Variants in CAPN5 observed in about 807,000 individuals in gnomAD.
CAPN5 encodes calpain 5, also known as calpain-5.
In CAPN5, 54 loss-of-function variants were observed where a neutral mutation model predicts 73.0. The ratio of observed to expected loss-of-function variants is 0.74; its 90% CI spans 0.59 to 0.93. The LOEUF (loss-of-function observed/expected upper bound fraction) is 0.93, where lower values mean the gene tolerates loss of function less well. CAPN5 is among the 40% of genes least tolerant of loss of function. The probability of loss-of-function intolerance (pLI) is 0.00; values close to 1 mark genes in which losing one functional copy is unlikely to be tolerated. For synonymous variants in CAPN5, 335 were observed against 356.9 expected (o/e 0.94, Z 0.69); for missense variants, 785 against 882.9 (o/e 0.89, Z 1.41).
chr11:77,076,933 A>C (rs1949976199), intron 1 of CAPN5, among the ~76,000 whole-genome samples: 1 of 152,178 alleles, frequency 6.6e-6, no homozygotes, highest in Non-Finnish European at 1.5e-5. Context: ...TTTTTTGAGA[A>C]ACCTCTATAC....
At position 77,112,725 on chromosome 11, in the gene CAPN5, A is replaced by G; in HGVS notation, c.434A>G (p.Asn145Ser). 1.9e-6 allele frequency: 3 copies of G among 1,614,224 alleles called. No homozygotes were observed. Among genetic ancestry groups the G allele is most frequent in the East Asian group, 2.2e-5 (1 of 44,876 alleles). The change falls in exon 4 of 13, where the codon AAC (asparagine) becomes AGC (serine). Residue 145 changes from asparagine (N) to serine (S), a missense_variant. By Grantham distance (46) the Asn-to-Ser change is conservative. Transcript: ENST00000648180. The part of the protein sequence containing the change: ...VIDDRLPTVN[N>S]QLIYCHSNSR... ...GATGACCGGCTGCCCACAGTCAACA[A>G]CCAGCTCATCTACTGCCACTCCAAC...
At chr11:77,073,025 GC>G in intron 1 of CAPN5, 1 of 1,228,274 alleles carries the variant, frequency 8.1e-7, no homozygotes, top group Non-Finnish European at 1.1e-6. Context: ...CGAGCACACA[GC>G]CCCCACCCCA....
At chr11:77,097,022 A>G (rs771985243) in intron 3 of CAPN5, among the ~76,000 whole-genome samples, 25 of 152,110 alleles carry the variant, frequency 1.6e-4, no homozygotes, top group Admixed American at 1.4e-3. Context: ...GGAGATCAAG[A>G]CCACCCTGGC....
At chr11:77,071,048 C>A (rs544959963) in intron 1 of CAPN5, among the ~76,000 whole-genome samples, 2 of 152,184 alleles carry the variant, frequency 1.3e-5, no homozygotes, top group African/African-American at 4.8e-5. Context: ...TCTAGGGATT[C>A]GGTTGGGAGT....
chr11:77,122,744 G>A, intron 12 of CAPN5, 32 bp downstream of exon 12: 3 of 1,611,192 alleles, frequency 1.9e-6, no homozygotes, highest in Non-Finnish European at 2.5e-6. Context: ...CCACCTCCTG[G>A]GCTCCTAGCC....
chr11:77,102,850 A>T, intron 3 of CAPN5: 1 of 1,593,404 alleles, frequency 6.3e-7, no homozygotes, highest in Non-Finnish European at 8.5e-7. Flanking sequence ...ATGGCGGAGG[A>T]CAGGCCGCAG....
At chr11:77,098,850 G>A (rs1370391179) in intron 3 of CAPN5, among the ~76,000 whole-genome samples, 15 of 139,540 alleles carry the variant, frequency 1.1e-4, no homozygotes, top group South Asian at 7.3e-4. Flanking sequence ...CCTCCCTCCC[G>A]GACGGGGTGG....
intron 10 of CAPN5, 84 bp from the exon 11 acceptor site, chr11:77,121,850 C>G (rs138008723): frequency 1.0e-5 from 7 of 685,278 alleles, no homozygotes; most frequent in African/African-American, 1.8e-5. Context: ...CTTCTCTTCC[C>G]TTCCCACTTC....
At chr11:77,121,707 C>T (rs1950521882) in intron 10 of CAPN5, among the ~76,000 whole-genome samples, 1 of 152,186 alleles carries the variant, frequency 6.6e-6, no homozygotes, top group Non-Finnish European at 1.5e-5. Flanking sequence ...CAGTAAGGTG[C>T]CTTTCCCCTG....
chr11:77,096,980 T>C (rs568045282), intron 3 of CAPN5, among the ~76,000 whole-genome samples: 1 of 152,224 alleles, frequency 6.6e-6, no homozygotes, highest in Admixed American at 6.5e-5. Context: ...CTGAGCACTT[T>C]GGGAGGCTGA....
chr11:77,094,794 C>T (rs1371836588), intron 3 of CAPN5, among the ~76,000 whole-genome samples: 1 of 152,364 alleles, frequency 6.6e-6, no homozygotes, highest in East Asian at 1.9e-4. Flanking sequence ...CTGCACTCAA[C>T]ATGCCTTGTG....
intron 6 of CAPN5, 139 bp from the exon 7 acceptor site, chr11:77,116,087 T>C: frequency 4.1e-6 from 3 of 732,402 alleles, no homozygotes; most frequent in Non-Finnish European, 4.7e-6. Flanking sequence ...GGGCATGGCC[T>C]CAGTGCCCCT....
chr11:77,088,378 TGGCAGC>T (rs1486946075), intron 2 of CAPN5, among the ~76,000 whole-genome samples: 2 of 151,992 alleles, frequency 1.3e-5, no homozygotes, highest in East Asian at 3.9e-4. Flanking sequence ...CAGCAAGGCC[TGGCAGC>T]GGGGGCACAC....
intron 1 of CAPN5, 107 bp from the exon 2 acceptor site, chr11:77,084,745 G>A (rs187156508): frequency 2.0e-5 from 20 of 992,334 alleles, no homozygotes; most frequent in Admixed American, 1.0e-4. Context: ...TCCACGCCTC[G>A]CTGAGCCTTC....
At position 77,122,018 on chromosome 11, in the gene CAPN5, G is replaced by C. The variant is rs1950524741; in HGVS notation, c.1572G>C (p.Leu524=). The change falls in exon 11 of 13, where the codon CTG becomes CTC. Residue 524 remains leucine (L), a synonymous_variant. Coordinates refer to ENST00000648180, the MANE Select transcript of CAPN5 (RefSeq NM_004055.5). The part of the protein sequence containing the change: ...YPQLVTQVHV[L]GAAGLKDSPT... ...AGCTGGTGACCCAGGTACATGTCCTGGGAGCTGCTGGCCTCAAGGACTCCC... is the reference window on the plus strand; with the variant it reads ...AGCTGGTGACCCAGGTACATGTCCTCGGAGCTGCTGGCCTCAAGGACTCCC... 1 of 1,558,606 alleles carries C rather than the reference G, an allele frequency of 6.4e-7. No individual in the cohort carries two copies. Among genetic ancestry groups the C allele is most frequent in the Non-Finnish European group, 8.7e-7 (1 of 1,151,186 alleles).
chr11:77,091,973 A>C (rs1555036604), intron 2 of CAPN5, among the ~76,000 whole-genome samples: 1 of 152,246 alleles, frequency 6.6e-6, no homozygotes, highest in Non-Finnish European at 1.5e-5. Context: ...TCATCCCAGC[A>C]CTTTGGGAGG....
At chr11:77,107,183 C>T (rs370850326) in intron 3 of CAPN5, among the ~76,000 whole-genome samples, 275 of 152,252 alleles carry the variant, frequency 1.8e-3, no homozygotes, top group Non-Finnish European at 2.7e-3. Context: ...GCATCTGAAA[C>T]GGGGAGTTTG....
At chr11:77,099,870 C>T (rs1208413339) in intron 3 of CAPN5, among the ~76,000 whole-genome samples, 1 of 152,114 alleles carries the variant, frequency 6.6e-6, no homozygotes. Context: ...GAGTTTCGCT[C>T]TTGTCACCCA....
rs575129804 is a variant in CAPN5 at position 77,090,071 on chromosome 11, A to C, written c.166-3611A>C. ...TGCCCATCTCACAGGGTTGTTTTGC[A>C]CAGTGCCTGCCACATAGCAGGTGCC... On this transcript the variant is annotated intron_variant, in intron 2 of 12. Coordinates refer to ENST00000648180, the MANE Select transcript of CAPN5 (RefSeq NM_004055.5). 5.3e-5 allele frequency among the ~76,000 whole-genome samples: 8 copies of C among 152,274 alleles called. No homozygotes were observed. The East Asian group carries it at 1.5e-3, about 29-fold the overall frequency.
Sources: gnomAD v4.1 joint callset for allele counts (sites outside exome capture counted in the v4.1 genomes callset) on GRCh38, gnomAD v4.1.1 for gene constraint, MANE v1.5 for transcripts, NCBI Gene and HGNC (gene_info 2026-07-23, HGNC 2026-07-21) for gene names.